Variants in CA8 observed in about 807,000 individuals in gnomAD.
CA8 encodes the protein carbonic anhydrase 8 (inactive).
Under a neutral mutation model 41.4 loss-of-function variants are expected in CA8, and 22 were observed. The observed-to-expected ratio is 0.53, with a 90% CI of 0.38 to 0.76. CA8 has a LOEUF of 0.76. CA8 is among the 30% of genes least tolerant of loss of function. The pLI is 0.00. For missense variants in CA8, 270 were observed against 352.8 expected (o/e 0.77, Z 1.88); for synonymous variants, 121 against 130.6 (o/e 0.93, Z 0.50).
At chr8:60,247,525 G>A (rs1199316151) in intron 3 of CA8, among the ~76,000 whole-genome samples, 3 of 152,150 alleles carry the variant, frequency 2.0e-5, no homozygotes, top group African/African-American at 7.2e-5. Flanking sequence ...CTGTTCCTGT[G>A]TTAGGTTGCT....
chr8:60,237,294 AG>A (rs1377884123), intron 3 of CA8, among the ~76,000 whole-genome samples: 11 of 152,176 alleles, frequency 7.2e-5, no homozygotes, highest in African/African-American at 2.4e-4. Context: ...GTCTTCCCAT[AG>A]TACTCTTTTT....
At chr8:60,275,324 G>A (rs937587207) in intron 2 of CA8, among the ~76,000 whole-genome samples, 1 of 151,936 alleles carries the variant, frequency 6.6e-6, no homozygotes, top group Admixed American at 6.6e-5. Context: ...GAGAACCTCC[G>A]AAATAAAAGA....
chr8:60,201,984 A>T (rs1007198230), intron 8 of CA8, among the ~76,000 whole-genome samples: 3 of 141,746 alleles, frequency 2.1e-5, no homozygotes, highest in Non-Finnish European at 4.6e-5. Flanking sequence ...CATCAGTTTC[A>T]TTGGTTGTAT....
chr8:60,187,897 C>T lies in CA8; in HGVS notation c.*2124G>A, dbSNP rs930884582. On this transcript the variant is annotated 3_prime_UTR_variant, in exon 9 of 9. Coordinates refer to ENST00000317995, the MANE Select transcript of CA8 (RefSeq NM_004056.6). ...ATAGGTTTTACTTTCTTTCCTATCA[C>T]ACCATCAAAACAGATTTGAGATTAG... The T allele has an allele frequency of 2.6e-5, 4 of 152,176 alleles. No homozygotes were observed. The highest frequency in any genetic ancestry group is 9.7e-5 in the African/African-American group (4 of 41,436). 9.4% of individuals were successfully genotyped at this position (152,176 alleles called of 1,614,324 possible).
intron 2 of CA8, among the ~76,000 whole-genome samples, chr8:60,268,948 G>A (rs1803984137): frequency 6.6e-6 from 1 of 152,176 alleles, no homozygotes; most frequent in African/African-American, 2.4e-5. Flanking sequence ...GTTCTCCAGG[G>A]AGAGGTGACA....
In CA8 at chr8:60,224,544, T is replaced by A; in HGVS notation, c.618A>T (p.Leu206Phe). The A allele has an allele frequency of 1.3e-6, 2 of 1,575,472 alleles. No homozygotes were observed. The highest frequency in any genetic ancestry group is 1.7e-6 in the Non-Finnish European group (2 of 1,145,744). ...AATCAGGTAAATACTCACCTGGTAATAAAGTGTTAGGATTAAAGCAAGGTA... is the reference window on the plus strand; with the variant it reads ...AATCAGGTAAATACTCACCTGGTAAAAAAGTGTTAGGATTAAAGCAAGGTA... ...KTIPCFNPNT[L>F]LPDPLLRDYW... The change falls in exon 6 of 9, where the codon TTA becomes TTT. Residue 206 changes from leucine to phenylalanine, a missense_variant. Physicochemically the swap from Leu to Phe is conservative, Grantham distance 22. Around this residue, in one of 3 missense-constraint regions of CA8, gnomAD observed 141 missense variants for 191.6 expected, o/e 0.74. Transcript: ENST00000317995.
chr8:60,279,976 A>T (rs1482013089), intron 1 of CA8, 96 bp from the exon 2 acceptor site: 1 of 921,482 alleles, frequency 1.1e-6, no homozygotes, highest in African/African-American at 1.7e-5. Flanking sequence ...CCTTGATATC[A>T]TGAAGAGAGT....
intron 1 of CA8, 36 bp downstream of exon 1, chr8:60,281,012 G>C: frequency 6.6e-7 from 1 of 1,505,118 alleles, no homozygotes. Flanking sequence ...TGACGCCGCC[G>C]CGGGACCCCG....
At chr8:60,209,586 G>C (rs1341230785) in intron 7 of CA8, among the ~76,000 whole-genome samples, 1 of 152,162 alleles carries the variant, frequency 6.6e-6, no homozygotes, top group Non-Finnish European at 1.5e-5. Flanking sequence ...TGCTTTCCAA[G>C]TACATTTTAA....
intron 8 of CA8, among the ~76,000 whole-genome samples, chr8:60,193,143 T>C (rs888600607): frequency 2.6e-5 from 4 of 152,160 alleles, no homozygotes; most frequent in African/African-American, 9.7e-5. Flanking sequence ...CAACATTTTG[T>C]TTTCTCTGGA....
intron 8 of CA8, among the ~76,000 whole-genome samples, chr8:60,202,452 T>A (rs911667066): frequency 9.9e-5 from 15 of 152,184 alleles, no homozygotes; most frequent in African/African-American, 2.4e-4. Context: ...ACCTCATAGT[T>A]CTTGGCACTC....
chr8:60,266,008 G>A lies in CA8; in HGVS notation c.334C>T (p.Leu112=), dbSNP rs61743130. Residue 112 remains leucine, a synonymous_variant, in exon 3 of 9, where the codon CTG becomes TTG. Coordinates refer to ENST00000317995, the MANE Select transcript of CA8 (RefSeq NM_004056.6). ...GPLPQGHEFE[L]YEVRFHWGRE... Reference sequence around the variant, plus strand: ...CCCCAGTGAAATCTCACTTCGTACAGTTCAAATTCATGCCCTTGAGGCAAT... The same window carrying A: ...CCCCAGTGAAATCTCACTTCGTACAATTCAAATTCATGCCCTTGAGGCAAT... The A allele has an allele frequency of 0.018, 28,513 of 1,613,452 alleles. 1,193 individuals carry two copies. Among genetic ancestry groups the A allele is most frequent in the African/African-American group, 0.17 (12,641 of 74,926 alleles).
intron 3 of CA8, among the ~76,000 whole-genome samples, chr8:60,240,948 A>G (rs553117837): frequency 6.6e-6 from 1 of 152,326 alleles, no homozygotes; most frequent in South Asian, 2.1e-4. Context: ...AAGCACTGGA[A>G]AAAGAAGGAA....
intron 3 of CA8, among the ~76,000 whole-genome samples, chr8:60,252,832 A>G (rs1808498358): frequency 8.7e-6 from 1 of 114,416 alleles, no homozygotes; most frequent in African/African-American, 5.4e-5. Context: ...AATATTCCAA[A>G]CTGTGAAAAA....
chr8:60,206,630 A>AT (rs1806593347), intron 8 of CA8, among the ~76,000 whole-genome samples: 1 of 118,346 alleles, frequency 8.4e-6, no homozygotes, highest in Non-Finnish European at 1.8e-5. Flanking sequence ...CTCTGCTCCT[A>AT]TCCATCTTCA....
chr8:60,266,182 G>A, intron 2 of CA8, 133 bp from the exon 3 acceptor site: 2 of 794,714 alleles, frequency 2.5e-6, no homozygotes, highest in East Asian at 2.7e-5. Context: ...GCCAAAATGA[G>A]AAATTTATCA....
rs181918444 is a variant in CA8 at position 60,219,370 on chromosome 8, C to G, written c.738+3279G>C. ...ATAAGGTTTCACCATATTGGCCAGG[C>G]TGGTCTCGAACTCCTGACCTCGTGA... On this transcript the variant is annotated intron_variant, in intron 7 of 8. Coordinates refer to ENST00000317995, the MANE Select transcript of CA8 (RefSeq NM_004056.6). Among the ~76,000 whole-genome samples, 5 of 152,244 alleles carry G rather than the reference C, an allele frequency of 3.3e-5. No homozygotes were observed. In the East Asian group the frequency reaches 9.7e-4, roughly 29 times the overall value.
intron 7 of CA8, among the ~76,000 whole-genome samples, chr8:60,209,457 C>T (rs748639238): frequency 2.0e-5 from 3 of 152,188 alleles, no homozygotes; most frequent in Non-Finnish European, 2.9e-5. Flanking sequence ...TGCACTCCAG[C>T]CTGAGTGACA....
intron 3 of CA8, among the ~76,000 whole-genome samples, chr8:60,250,113 C>T (rs1309054818): frequency 2.0e-5 from 3 of 152,102 alleles, no homozygotes; most frequent in South Asian, 2.1e-4. Context: ...AAACAGCAAC[C>T]GTTACCCCAT....
Sources: allele counts gnomAD v4.1 joint callset (sites outside exome capture counted in the v4.1 genomes callset), GRCh38; gene constraint gnomAD v4.1.1; regional missense constraint gnomAD v4.1.1; transcripts MANE v1.5; gene names NCBI Gene and HGNC (gene_info 2026-07-23, HGNC 2026-07-21).